The following PSEN1 variants were observed in gnomAD, a reference collection of about 807,000 sequenced individuals.
The protein encoded by PSEN1 is presenilin-1.
Under a neutral mutation model 53.5 loss-of-function variants are expected in PSEN1, and 15 were observed. The ratio of observed to expected loss-of-function variants is 0.28; its 90% confidence interval spans 0.19 to 0.43. The LOEUF is 0.43. Ranked by LOEUF, PSEN1 falls within the 20% of genes least tolerant of loss-of-function variation. PSEN1 has a pLI of 1.00. For missense variants in PSEN1, 387 were observed against 571.2 expected, an observed-to-expected ratio of 0.68 and a Z score of 3.29; for synonymous variants, 208 against 209.8, an observed-to-expected ratio of 0.99 and a Z score of 0.08.
At chr14:73,201,773 G>A (rs958963238) in intron 8 of PSEN1, among the ~76,000 whole-genome samples, 9 of 152,112 alleles carry the variant, frequency 5.9e-5, no homozygotes, top group African/African-American at 2.2e-4. Flanking sequence ...TTGAAACAGA[G>A]TCTTGCTCTG....
In PSEN1 at chr14:73,206,314, A is replaced by G. The variant is rs766071159; in HGVS notation, c.869-72A>G. Reference sequence around the variant, plus strand: ...GAAGACTGGCGATTTGTGTGGAGAAATGATGGCTTGTTGTTGTCTATGCAT... The same window carrying G: ...GAAGACTGGCGATTTGTGTGGAGAAGTGATGGCTTGTTGTTGTCTATGCAT... On this transcript the variant is annotated intron_variant, in intron 8 of 11. Transcript: ENST00000324501. 252 of 1,045,802 alleles carry G rather than the reference A, an allele frequency of 2.4e-4. 3 individuals are homozygous for G. The highest frequency in any genetic ancestry group is 6.7e-4 in the South Asian group (53 of 78,784). The allele number at this position is 1,045,802 out of a possible 1,614,324, so 64.8% of individuals were successfully genotyped here.
At chr14:73,179,424 C>G (rs1898138517) in intron 5 of PSEN1, among the ~76,000 whole-genome samples, 1 of 152,172 alleles carries the variant, frequency 6.6e-6, no homozygotes, top group Admixed American at 6.5e-5. Context: ...TATGACCAGC[C>G]TGGGCAACAC....
At chr14:73,166,188 G>T (rs1355606799) in intron 3 of PSEN1, among the ~76,000 whole-genome samples, 1 of 152,178 alleles carries the variant, frequency 6.6e-6, no homozygotes, top group East Asian at 1.9e-4. Flanking sequence ...CCTTGGGCAG[G>T]GCAGGGTTGA....
At chr14:73,140,210 T>C (rs1184450937) in intron 1 of PSEN1, among the ~76,000 whole-genome samples, 2 of 134,122 alleles carry the variant, frequency 1.5e-5, no homozygotes, top group Middle Eastern at 3.6e-3. Context: ...TTCTTTTTTT[T>C]TTTTTTTTTT....
chr14:73,198,075 G>C lies in PSEN1; in HGVS notation c.814G>C (p.Val272Leu). ...TCCGAAAGGTCCACTTCGTATGCTG[G>C]TTGAAACAGCTCAGGAGAGAAATGA... Reference protein sequence around the residue: ...LCPKGPLRMLVETAQERNETL... With the variant: ...LCPKGPLRMLLETAQERNETL... Residue 272 changes from valine (V) to leucine (L), a missense_variant, in exon 8 of 12, where the codon GTT (valine) becomes CTT (leucine). Val to Leu is a conservative substitution (Grantham distance 32, BLOSUM62 1). This residue lies in a region of PSEN1 where 169 missense variants were observed against 299.7 expected (regional missense o/e 0.56). Coordinates refer to ENST00000324501, the MANE Select transcript of PSEN1 (RefSeq NM_000021.4). 1 of 1,613,104 alleles carries C rather than the reference G, an allele frequency of 6.2e-7. No homozygotes were observed. The highest frequency in any genetic ancestry group is 8.5e-7 in the Non-Finnish European group (1 of 1,179,316).
chr14:73,186,673 AG>A (rs1018029225), intron 5 of PSEN1, among the ~76,000 whole-genome samples, 179 bp from the exon 6 acceptor site: 5 of 151,582 alleles, frequency 3.3e-5, no homozygotes, highest in Admixed American at 3.3e-4. Context: ...CCTACTCAGG[AG>A]GCTTAAGCAC....
At chr14:73,184,359 C>T (rs1302287800) in intron 5 of PSEN1, among the ~76,000 whole-genome samples, 2 of 109,196 alleles carry the variant, frequency 1.8e-5, no homozygotes, top group African/African-American at 3.6e-5. Context: ...CGCCCCTCAC[C>T]TCCCGGACGG....
chr14:73,199,685 G>A (rs527460659), intron 8 of PSEN1, among the ~76,000 whole-genome samples: 1 of 152,306 alleles, frequency 6.6e-6, no homozygotes, highest in Admixed American at 6.5e-5. Flanking sequence ...TAAAAAAGCT[G>A]TGCCTGTTTA....
At chr14:73,194,921 G>C (rs1440922508) in intron 7 of PSEN1, among the ~76,000 whole-genome samples, 4 of 152,174 alleles carry the variant, frequency 2.6e-5, no homozygotes, top group Non-Finnish European at 4.4e-5. Flanking sequence ...TTGGTGGCCT[G>C]TAATAGGAAA....
At chr14:73,170,422 C>T (rs963184520) in intron 3 of PSEN1, among the ~76,000 whole-genome samples, 10 of 152,148 alleles carry the variant, frequency 6.6e-5, no homozygotes, top group Admixed American at 1.3e-4. Flanking sequence ...TAAGATAGTT[C>T]CTTGCATATG....
At chr14:73,173,516 G>A (rs1392313890) in intron 4 of PSEN1, 50 bp from the exon 5 acceptor site, 1 of 1,574,522 alleles carries the variant, frequency 6.4e-7, no homozygotes. Context: ...AATGTGGTTG[G>A]TGATCTCCAT....
chr14:73,159,578 TAA>T (rs1203544329), intron 3 of PSEN1, among the ~76,000 whole-genome samples: 1 of 152,202 alleles, frequency 6.6e-6, no homozygotes, highest in African/African-American at 2.4e-5. Flanking sequence ...CACTGTTTTT[TAA>T]AAAAGACTAT....
chr14:73,155,715 CGTT>C lies in PSEN1; in HGVS notation c.87+7610_87+7612del, dbSNP rs373513040. On this transcript the variant is annotated intron_variant, in intron 3 of 11. Coordinates refer to ENST00000324501, the MANE Select transcript of PSEN1 (RefSeq NM_000021.4). ...CACTTTTTTTGTAGAGCTGGGGTCT[CGTT>C]ATGTTGCCCAGGCCGGTCTTGAACT... Among the ~76,000 whole-genome samples, 172 of 151,698 alleles carry C rather than the reference CGTT, an allele frequency of 1.1e-3. 1 individual carries two copies. Among genetic ancestry groups the C allele is most frequent in the Middle Eastern group, 6.8e-3 (2 of 294 alleles).
At position 73,218,086 on chromosome 14, in the gene PSEN1, CTTTTTTTTTTTTTT is replaced by C. The variant is rs58637970; in HGVS notation, c.1248+851_1248+864del. ...TACAGGCGTGAGCCACCGCACCTGG[CTTTTTTTTTTTTTT>C]TTTTTTTTGGAGACAGAGTCTTGCT... On this transcript the variant is annotated intron_variant, in intron 11 of 11. Coordinates refer to ENST00000324501, the MANE Select transcript of PSEN1 (RefSeq NM_000021.4). 2.2e-4 allele frequency among the ~76,000 whole-genome samples: 22 copies of C among 97,896 alleles called. 1 individual carries two copies. The highest frequency in any genetic ancestry group is 9.3e-4 in the African/African-American group (21 of 22,584). The allele number at this position is 97,896 out of a possible 152,430, so 64.2% of individuals were successfully genotyped here. A position where few individuals can be genotyped will look rare whatever the true frequency, so the allele number is the denominator to read the frequency against.
chr14:73,211,688 A>AT, intron 9 of PSEN1, 81 bp from the exon 10 acceptor site: 1 of 1,459,048 alleles, frequency 6.9e-7, no homozygotes, highest in Non-Finnish European at 9.6e-7. Context: ...AATGACAGCT[A>AT]GTTACTGTTT....
At chr14:73,155,605 G>A (rs1283504326) in intron 3 of PSEN1, among the ~76,000 whole-genome samples, 2 of 152,086 alleles carry the variant, frequency 1.3e-5, no homozygotes, top group Non-Finnish European at 2.9e-5. Flanking sequence ...CTGGGCTCAA[G>A]TGATTCTCCC....
At chr14:73,202,464 T>A (rs12432944) in intron 8 of PSEN1, among the ~76,000 whole-genome samples, 385 of 19,086 alleles carry the variant, frequency 0.02, no homozygotes, top group South Asian at 0.03. Flanking sequence ...ATATATATAT[T>A]TTTTTTTTTT....
Position 73,184,209 on chromosome 14 carries a change from C to A in PSEN1, c.481-2644C>A, listed in dbSNP as rs866211786. Among the ~76,000 whole-genome samples the A allele has an allele frequency of 6.3e-3, 698 of 111,018 alleles. 6 individuals carry two copies. Among genetic ancestry groups the A allele is most frequent in the Middle Eastern group, 0.012 (2 of 168 alleles). The allele number at this position is 111,018 out of a possible 152,430, so 72.8% of individuals were successfully genotyped here. A position where few individuals can be genotyped will look rare whatever the true frequency, so the allele number is the denominator to read the frequency against. ...CGGCTGGCCGGGCGGGGGGCTGACC[C>A]CCCCACCTCCCTCCCGGACGGGGCG... On this transcript the variant is annotated intron_variant, in intron 5 of 11. Transcript: ENST00000324501.
chr14:73,165,048 C>T (rs1307924471), intron 3 of PSEN1, among the ~76,000 whole-genome samples: 1 of 152,068 alleles, frequency 6.6e-6, no homozygotes, highest in Admixed American at 6.5e-5. Context: ...CCTCTGCTTC[C>T]CGGGTTCAAA....
Sources: allele counts gnomAD v4.1 joint callset (sites outside exome capture counted in the v4.1 genomes callset), GRCh38; gene constraint gnomAD v4.1.1; regional missense constraint gnomAD v4.1.1; transcripts MANE v1.5; gene names NCBI Gene and HGNC (gene_info 2026-07-23, HGNC 2026-07-21).